The following ANK3 variants were observed in gnomAD, a reference collection of about 807,000 sequenced individuals.
ANK3 encodes ankyrin-3.
Under a neutral mutation model 370.9 loss-of-function variants are expected in ANK3, and 57 were observed. The ratio of observed to expected loss-of-function variants is 0.15; its 90% CI spans 0.12 to 0.19. ANK3 has a LOEUF of 0.19. ANK3 is among the 10% of genes least tolerant of loss of function. The pLI is 1.00. For missense variants in ANK3, 4,439 were observed against 5,302.1 expected, an observed-to-expected ratio of 0.84 and a Z score of 5.06; for synonymous variants, 1,929 against 1,946.3, an observed-to-expected ratio of 0.99 and a Z score of 0.23.
At chr10:60,652,155 T>C (rs1215500823) in intron 1 of ANK3, among the ~76,000 whole-genome samples, 2 of 152,074 alleles carry the variant, frequency 1.3e-5, no homozygotes, top group Non-Finnish European at 2.9e-5. Flanking sequence ...GGCCAAGTAA[T>C]GCCAGCACTC....
intron 2 of ANK3, among the ~76,000 whole-genome samples, chr10:60,412,140 T>C (rs950035786): frequency 1.3e-5 from 2 of 152,032 alleles, no homozygotes; most frequent in Non-Finnish European, 2.9e-5. Context: ...AGACAAACTA[T>C]GTGTGTTAAT....
intron 28 of ANK3, among the ~76,000 whole-genome samples, chr10:60,095,222 G>C (rs1028542317): frequency 7.2e-4 from 109 of 152,320 alleles, no homozygotes; most frequent in African/African-American, 2.6e-3. Context: ...TTGATATTGA[G>C]ACCCGGCACA....
At chr10:60,521,928 T>C (rs980063980) in intron 2 of ANK3, among the ~76,000 whole-genome samples, 1 of 152,040 alleles carries the variant, frequency 6.6e-6, no homozygotes, top group African/African-American at 2.4e-5. Context: ...GCAGCAAACA[T>C]AACCTCAGGA....
intron 1 of ANK3, among the ~76,000 whole-genome samples, chr10:60,353,746 C>G (rs1409593122): frequency 6.6e-6 from 1 of 152,188 alleles, no homozygotes; most frequent in South Asian, 2.1e-4. Flanking sequence ...AAAGATCACA[C>G]GGGCAGTTTT....
intron 1 of ANK3, among the ~76,000 whole-genome samples, chr10:60,649,673 A>C (rs2078761268): frequency 6.6e-6 from 1 of 152,192 alleles, no homozygotes; most frequent in African/African-American, 2.4e-5. Flanking sequence ...GAGGCCCCTG[A>C]AGGTGCCTTA....
chr10:60,148,421 C>A (rs1039910240), intron 23 of ANK3, among the ~76,000 whole-genome samples: 10 of 152,084 alleles, frequency 6.6e-5, no homozygotes, highest in South Asian at 2.1e-4. Flanking sequence ...CTATATCTAG[C>A]CTGGATTAAG....
Position 60,070,431 on chromosome 10 carries a change from T to C in ANK3, c.10450A>G (p.Ser3484Gly). The change falls in exon 37 of 44, where the codon AGT (serine) becomes GGT (glycine). Residue 3484 changes from serine to glycine, a missense_variant. Around this residue, in one of 13 missense-constraint regions of ANK3, gnomAD observed 1,601 missense variants for 1,731.7 expected, o/e 0.92. Transcript: ENST00000280772. This position sits in a 1 kb window ranked among gnomAD's most constrained non-coding sequence, Gnocchi z 5.7. The part of the protein sequence containing the change: ...GPDEDKPPSK[S>G]SSSEKTPDKT... ...TCAGGAGTCTTTTCAGATGAAGAACTTTTAGAAGGTGGCTTGTCCTCATCT... is the reference window on the plus strand; with the variant it reads ...TCAGGAGTCTTTTCAGATGAAGAACCTTTAGAAGGTGGCTTGTCCTCATCT... 6.2e-7 allele frequency: 1 copy of C among 1,614,092 alleles called. No homozygotes were observed. Among genetic ancestry groups the C allele is most frequent in the Non-Finnish European group, 8.5e-7 (1 of 1,180,010 alleles).
chr10:60,667,402 T>C (rs551817204), intron 1 of ANK3, among the ~76,000 whole-genome samples: 4 of 151,878 alleles, frequency 2.6e-5, no homozygotes, highest in African/African-American at 7.2e-5. Flanking sequence ...AAATGTGTTA[T>C]AGACATTGAA....
chr10:60,079,771 T>A (rs1046133679), intron 36 of ANK3, among the ~76,000 whole-genome samples: 2 of 151,390 alleles, frequency 1.3e-5, no homozygotes, highest in African/African-American at 4.9e-5. Flanking sequence ...GCTGTAGAGA[T>A]CACCAGAGGT....
intron 4 of ANK3, among the ~76,000 whole-genome samples, chr10:60,275,112 G>C (rs1342063603): frequency 6.6e-6 from 1 of 152,138 alleles, no homozygotes; most frequent in Non-Finnish European, 1.5e-5. Context: ...TCCTAACTTA[G>C]AACATTTCCA....
intron 1 of ANK3, among the ~76,000 whole-genome samples, chr10:60,732,494 T>C (rs1326234498): frequency 6.6e-6 from 1 of 152,144 alleles, no homozygotes; most frequent in Non-Finnish European, 1.5e-5. Flanking sequence ...AGGCAACCGA[T>C]TTCTACTTCT....
intron 2 of ANK3, among the ~76,000 whole-genome samples, chr10:60,415,346 C>A (rs1032599959): frequency 2.0e-5 from 3 of 152,168 alleles, no homozygotes; most frequent in Non-Finnish European, 4.4e-5. Context: ...TACAATCATT[C>A]AGAGGCAGCC....
rs779374906 is a variant in ANK3, at chr10:60,076,028, G to C, written c.4853C>G (p.Ser1618Cys). 9.9e-6 allele frequency: 16 copies of C among 1,614,078 alleles called. No homozygotes were observed. The highest frequency in any genetic ancestry group is 1.6e-4 in the Middle Eastern group (1 of 6,084). Residue 1618 changes from serine to cysteine, a missense_variant, in exon 37 of 44, where the codon TCT becomes TGT. By Grantham distance (112) the Ser-to-Cys change is moderately radical. Around this residue, in one of 13 missense-constraint regions of ANK3, gnomAD observed 679 missense variants for 791.0 expected, o/e 0.86. Transcript: ENST00000280772. Reference protein sequence around the residue: ...ATPLKGLASNSTFSSRTSPVT... With the variant: ...ATPLKGLASNCTFSSRTSPVT... ...TGGAGAGGTTCGAGAGGAAAACGTA[G>C]AATTGGATGCCAGCCCTTTTAAGGG...
intron 2 of ANK3, among the ~76,000 whole-genome samples, chr10:60,471,893 AC>A (rs1484975561): frequency 1.3e-5 from 2 of 152,050 alleles, no homozygotes; most frequent in Non-Finnish European, 2.9e-5. Context: ...GCTTTCCTAT[AC>A]CGCAAATAAA....
intron 2 of ANK3, among the ~76,000 whole-genome samples, chr10:60,406,261 C>T (rs1255575625): frequency 6.6e-6 from 1 of 152,140 alleles, no homozygotes; most frequent in Non-Finnish European, 1.5e-5. Context: ...TCCAATAAAA[C>T]TTTATTTACA....
chr10:60,440,017 C>T (rs1325912829), intron 2 of ANK3, among the ~76,000 whole-genome samples: 1 of 152,186 alleles, frequency 6.6e-6, no homozygotes, highest in African/African-American at 2.4e-5. Flanking sequence ...TCAATATGCC[C>T]TTCCCTGGTG....
chr10:60,098,376 T>G (rs1243058235), intron 28 of ANK3, among the ~76,000 whole-genome samples: 1 of 151,960 alleles, frequency 6.6e-6, no homozygotes, highest in Non-Finnish European at 1.5e-5. Flanking sequence ...CACCAATTAC[T>G]GAAAATTAAA....
chr10:60,092,516 T>A (rs1487402426), intron 28 of ANK3, among the ~76,000 whole-genome samples: 1 of 152,144 alleles, frequency 6.6e-6, no homozygotes, highest in Non-Finnish European at 1.5e-5. Context: ...AACCCAGATT[T>A]AAAAAATGAG....
intron 2 of ANK3, among the ~76,000 whole-genome samples, chr10:60,401,071 AT>A (rs1252719397): frequency 6.6e-5 from 10 of 152,192 alleles, no homozygotes; most frequent in African/African-American, 2.4e-4. Context: ...CAAATCGTGG[AT>A]TTAAAAATCA....
Sources: allele counts gnomAD v4.1 joint callset (sites outside exome capture counted in the v4.1 genomes callset), GRCh38; gene constraint gnomAD v4.1.1; regional missense constraint gnomAD v4.1.1; non-coding constraint Gnocchi (gnomAD v3.1); transcripts MANE v1.5; gene names NCBI Gene and HGNC (gene_info 2026-07-23, HGNC 2026-07-21).